IQCK: variants seen among roughly 807,000 people sequenced by gnomAD.
IQCK encodes IQ motif containing K, also known as IQ domain-containing protein K.
In IQCK, 29 loss-of-function variants were observed where a neutral mutation model predicts 28.1. The ratio of observed to expected loss-of-function variants is 1.03; its 90% CI spans 0.77 to 1.41. IQCK has a LOEUF of 1.41. IQCK is among the 40% of genes most tolerant of loss of function. IQCK has a pLI of 0.00. For synonymous variants in IQCK, 113 were observed against 115.1 expected (o/e 0.98, Z 0.12); for missense variants, 359 against 314.7 (o/e 1.14, Z -1.07).
At chr16:19,750,135 TTTTTC>T in intron 4 of IQCK, among the ~76,000 whole-genome samples, 1 of 152,272 alleles carries the variant, frequency 6.6e-6, no homozygotes, top group Admixed American at 6.5e-5. Context: ...TATGATTTTT[TTTTTC>T]TTTTGAGATG....
At chr16:19,839,144 AATTTATTTATTT>A (rs147206898) in intron 9 of IQCK, among the ~76,000 whole-genome samples, 1 of 148,830 alleles carries the variant, frequency 6.7e-6, no homozygotes, top group Admixed American at 6.7e-5. Flanking sequence ...GAACTGAGAA[AATTTATTTATTT>A]ATTTATTTAT....
In IQCK at chr16:19,761,687, C is replaced by T. The variant is rs2055145683; in HGVS notation, c.475-2161C>T. 1.1e-5 allele frequency: 3 copies of T among 271,624 alleles called. No homozygotes were observed. In the Admixed American group the frequency reaches 1.4e-4, roughly 13 times the overall value. The allele number at this position is 271,624 out of a possible 1,614,324, so 16.8% of individuals were successfully genotyped here. On this transcript the variant is annotated intron_variant, in intron 4 of 7. Transcript: ENST00000564186. ...AATAGAAGACAGGATATCTGGTGCT[C>T]CACCCCATTGGCAGGCTCAGCTTAT...
intron 7 of IQCK, among the ~76,000 whole-genome samples, chr16:19,822,937 C>A (rs563955122): frequency 1.9e-4 from 29 of 151,808 alleles, no homozygotes; most frequent in African/African-American, 6.8e-4. Flanking sequence ...CAACAAGGCT[C>A]TTTGATGTAA....
intron 1 of IQCK, among the ~76,000 whole-genome samples, chr16:19,721,684 C>G (rs1977500623): frequency 6.6e-6 from 1 of 151,410 alleles, no homozygotes. Context: ...CTCCCAGATT[C>G]AAGCAATTCT....
intron 4 of IQCK, chr16:19,761,435 A>T (rs1236752436): frequency 1.1e-5 from 5 of 455,486 alleles, no homozygotes; most frequent in Admixed American, 9.4e-5. Context: ...AGAGCAGGCT[A>T]GGGAGGGTGG....
At chr16:19,820,029 G>A (rs1440574172) in intron 7 of IQCK, among the ~76,000 whole-genome samples, 1 of 152,036 alleles carries the variant, frequency 6.6e-6, no homozygotes, top group East Asian at 1.9e-4. Context: ...GGGGCAACTT[G>A]ATATCCACAT....
chr16:19,734,459 C>CAAA (rs34178017), intron 3 of IQCK, among the ~76,000 whole-genome samples: 854 of 50,206 alleles, frequency 0.017, 26 homozygotes, highest in African/African-American at 0.043. Flanking sequence ...GACTCCATCA[C>CAAA]AAAAAAAAAA....
chr16:19,725,057 G>A (rs568041735), intron 1 of IQCK, among the ~76,000 whole-genome samples: 165 of 152,034 alleles, frequency 1.1e-3, no homozygotes, highest in African/African-American at 3.3e-3. Flanking sequence ...TGTGTAAAAC[G>A]AACAACAACT....
intron 7 of IQCK, among the ~76,000 whole-genome samples, chr16:19,818,445 T>C (rs966114895): frequency 1.3e-5 from 2 of 152,114 alleles, no homozygotes; most frequent in African/African-American, 4.8e-5. Flanking sequence ...CAGGCTGGAG[T>C]GCAATGGCAC....
At chr16:19,756,979 C>A (rs1050541183) in intron 4 of IQCK, among the ~76,000 whole-genome samples, 3 of 151,866 alleles carry the variant, frequency 2.0e-5, no homozygotes, top group Non-Finnish European at 2.9e-5. Flanking sequence ...AGGAACCAGA[C>A]ACCAAATCTG....
At chr16:19,744,261 G>A (rs1262534120) in intron 4 of IQCK, among the ~76,000 whole-genome samples, 1 of 151,720 alleles carries the variant, frequency 6.6e-6, no homozygotes, top group Non-Finnish European at 1.5e-5. Context: ...TTTTCTCTAA[G>A]CACACAAATA....
chr16:19,816,553 A>G (rs2055991785), intron 7 of IQCK, among the ~76,000 whole-genome samples: 1 of 152,228 alleles, frequency 6.6e-6, no homozygotes, highest in Admixed American at 6.5e-5. Flanking sequence ...AAGTGCTGGG[A>G]TTACTCAGGC....
intron 7 of IQCK, among the ~76,000 whole-genome samples, chr16:19,813,183 G>A (rs1047226590): frequency 6.6e-6 from 1 of 152,178 alleles, no homozygotes. Context: ...GATAGGGATA[G>A]GAAATGTGGA....
At chr16:19,806,893 T>C (rs1162469255) in intron 7 of IQCK, among the ~76,000 whole-genome samples, 1 of 152,162 alleles carries the variant, frequency 6.6e-6, no homozygotes, top group African/African-American at 2.4e-5. Context: ...TGAGTTTTCA[T>C]CAGGAAACTG....
chr16:19,764,229 C>CACAA, intron 6 of IQCK, 117 bp downstream of exon 6: 2 of 805,232 alleles, frequency 2.5e-6, no homozygotes, highest in Non-Finnish European at 4.0e-6. Context: ...CTGGGCCAGT[C>CACAA]ATATTTGTGA....
At chr16:19,768,777 A>G (rs1489604986) in intron 6 of IQCK, among the ~76,000 whole-genome samples, 2 of 152,096 alleles carry the variant, frequency 1.3e-5, no homozygotes. Context: ...ACAAAAATAT[A>G]TCTCCACCAC....
chr16:19,769,376 T>C (rs1440449841), intron 6 of IQCK, among the ~76,000 whole-genome samples: 2 of 152,180 alleles, frequency 1.3e-5, no homozygotes, highest in Non-Finnish European at 2.9e-5. Flanking sequence ...TATTGGTAAA[T>C]GTGGTTGTGA....
chr16:19,727,249 G>A (rs1261306423), intron 1 of IQCK, among the ~76,000 whole-genome samples: 1 of 152,166 alleles, frequency 6.6e-6, no homozygotes, highest in Non-Finnish European at 1.5e-5. Context: ...GTGGTTCTAT[G>A]TGTGGGCACT....
At chr16:19,842,812 C>T (rs2056376299) in intron 9 of IQCK, among the ~76,000 whole-genome samples, 1 of 152,136 alleles carries the variant, frequency 6.6e-6, no homozygotes. Context: ...TATAAATTAT[C>T]TCAAATCTTT....
Sources: allele counts gnomAD v4.1 joint callset (sites outside exome capture counted in the v4.1 genomes callset), GRCh38; gene constraint gnomAD v4.1.1; transcripts MANE v1.5; gene names NCBI Gene and HGNC (gene_info 2026-07-23, HGNC 2026-07-21).